Variants in MED21 observed in about 807,000 individuals in gnomAD.
MED21 encodes mediator complex subunit 21, also known as mediator of RNA polymerase II transcription subunit 21.
In MED21, 9 loss-of-function variants were observed where a neutral mutation model predicts 18.2. The observed-to-expected ratio is 0.49, with a 90% CI of 0.30 to 0.86. MED21 has a LOEUF of 0.86. MED21 is among the 40% of genes least tolerant of loss of function. The pLI is 0.07. For synonymous variants in MED21, 73 were observed against 60.5 expected (o/e 1.21, Z -0.96); for missense variants, 150 against 170.9 (o/e 0.88, Z 0.68).
In MED21 at chr12:27,026,444, A is replaced by G. The variant is rs1224823906; in HGVS notation, c.67A>G (p.Ile23Val). 1.9e-6 allele frequency: 3 copies of G among 1,613,600 alleles called. No individual in the cohort carries two copies. The highest frequency in any genetic ancestry group is 1.1e-5 in the South Asian group (1 of 91,044). ...NSLADQFCNA[I>V]GVLQQCGPPA... is the part of the protein sequence containing the mutation. ...GCTTGCAGATCAGTTTTGTAATGCCATTGGAGTATTGCAGCAATGTGGTCC... is the reference window on the plus strand; with the variant it reads ...GCTTGCAGATCAGTTTTGTAATGCCGTTGGAGTATTGCAGCAATGTGGTCC... The change falls in exon 2 of 4, where the codon ATT (isoleucine) becomes GTT (valine). Residue 23 changes from isoleucine (I) to valine (V), a missense_variant. By Grantham distance (29) the Ile-to-Val change is conservative. Coordinates refer to ENST00000282892, the MANE Select transcript of MED21 (RefSeq NM_004264.5).
chr12:27,028,233 G>T, intron 3 of MED21, 52 bp from the exon 4 acceptor site: 1 of 1,494,664 alleles, frequency 6.7e-7, no homozygotes, highest in South Asian at 1.5e-5. Flanking sequence ...GTACATCTGT[G>T]ACAGCTTCTC....
chr12:27,036,641 T>C (rs1313948325), intron 2 of MED21, among the ~76,000 whole-genome samples: 1 of 152,248 alleles, frequency 6.6e-6, no homozygotes, highest in Non-Finnish European at 1.5e-5. Context: ...GGATCCAGTT[T>C]CAGCTTTCTA....
At chr12:27,034,371 G>A (rs1284801015), downstream of MED21, among the ~76,000 whole-genome samples, 1 of 152,104 alleles carries the variant, frequency 6.6e-6, no homozygotes, top group Non-Finnish European at 1.5e-5. Flanking sequence ...GCAGTGAGCC[G>A]AGATCACGCC....
At chr12:27,031,369 G>A (rs758601235), downstream of MED21, among the ~76,000 whole-genome samples, 5 of 152,148 alleles carry the variant, frequency 3.3e-5, no homozygotes, top group African/African-American at 4.8e-5. Flanking sequence ...ATGTGAGTGA[G>A]TAAGTTATGT....
intron 1 of MED21, among the ~76,000 whole-genome samples, chr12:27,025,553 G>A (rs1204720223): frequency 6.6e-6 from 1 of 152,032 alleles, no homozygotes; most frequent in Non-Finnish European, 1.5e-5. Context: ...AGTGATAGAA[G>A]GAAAAGAGAA....
At chr12:27,036,552 T>C (rs974128092) in intron 2 of MED21, among the ~76,000 whole-genome samples, 1 of 152,230 alleles carries the variant, frequency 6.6e-6, no homozygotes, top group Non-Finnish European at 1.5e-5. Flanking sequence ...GGTTTTCTTC[T>C]AGGGTTTTTA....
chr12:27,033,007 C>T (rs955517609), downstream of MED21, among the ~76,000 whole-genome samples: 18 of 152,088 alleles, frequency 1.2e-4, no homozygotes, highest in South Asian at 4.1e-4. Context: ...TTTTTTCTAG[C>T]CTGTTTATTC....
chr12:27,034,330 G>T (rs1941636823), downstream of MED21, among the ~76,000 whole-genome samples: 1 of 152,118 alleles, frequency 6.6e-6, no homozygotes. Context: ...GCTAAGGCAG[G>T]AGAATCGGTA....
intron 1 of MED21, among the ~76,000 whole-genome samples, chr12:27,024,670 A>G (rs1447794617): frequency 3.3e-5 from 5 of 152,218 alleles, no homozygotes; most frequent in Admixed American, 3.3e-4. Context: ...GTTAGGCATA[A>G]TGATAATTGG....
chr12:27,034,886 G>T (rs1452940040), downstream of MED21, among the ~76,000 whole-genome samples: 1 of 152,150 alleles, frequency 6.6e-6, no homozygotes, highest in Non-Finnish European at 1.5e-5. Context: ...GAGTAGCTGG[G>T]ATTACAGGCA....
intron 1 of MED21, among the ~76,000 whole-genome samples, chr12:27,023,471 A>G (rs374486817): frequency 3.3e-5 from 5 of 151,494 alleles, no homozygotes; most frequent in South Asian, 4.2e-4. Flanking sequence ...TAATGTTTGT[A>G]TTTTTAGTAG....
intron 2 of MED21, chr12:27,038,744 G>C (rs1941663979): frequency 6.6e-6 from 1 of 152,188 alleles, no homozygotes; most frequent in Non-Finnish European, 1.5e-5. Flanking sequence ...AATGGTGCTA[G>C]AATAATTGGT....
intron 1 of MED21, among the ~76,000 whole-genome samples, chr12:27,025,666 A>G (rs1254562592): frequency 1.3e-5 from 2 of 152,220 alleles, no homozygotes; most frequent in African/African-American, 4.8e-5. Context: ...TATTAAAAAG[A>G]GGAAACAGTT....
chr12:27,028,745 TTC>T lies in MED21; in HGVS notation c.*286_*287del. 9.5e-7 allele frequency: 1 copy of T among 1,057,172 alleles called. No individual in the cohort carries two copies. Among genetic ancestry groups the T allele is most frequent in the East Asian group, 6.5e-5 (1 of 15,468 alleles). 65.5% of individuals were successfully genotyped at this position (1,057,172 alleles called of 1,614,324 possible). On this transcript the variant is annotated 3_prime_UTR_variant, in exon 4 of 4. Transcript: ENST00000282892. Reference sequence around the variant, plus strand: ...ATAATATAAGGAAACATATGTAAAATTCTGTTATGACATAATTTATGTCTCCA... The same window carrying T: ...ATAATATAAGGAAACATATGTAAAATTGTTATGACATAATTTATGTCTCCA...
chr12:27,038,333 T>A (rs1324005321), intron 2 of MED21: 1 of 151,748 alleles, frequency 6.6e-6, no homozygotes, highest in Non-Finnish European at 1.5e-5. Context: ...ATACAACGAA[T>A]ATAACAAAAA....
intron 3 of MED21, 82 bp downstream of exon 3, chr12:27,027,529 T>C (rs1279324817): frequency 1.1e-6 from 1 of 940,172 alleles, no homozygotes; most frequent in Non-Finnish European, 1.7e-6. Flanking sequence ...CTTTTGTCTG[T>C]GTCCATTTGT....
intron 1 of MED21, 43 bp downstream of exon 1, chr12:27,022,664 G>C (rs1249221844): frequency 1.2e-6 from 2 of 1,611,492 alleles, no homozygotes; most frequent in East Asian, 4.5e-5. Context: ...TCTCTTTCTT[G>C]AGGTAAAGCA....
chr12:27,036,377 A>G (rs903155208), intron 2 of MED21, among the ~76,000 whole-genome samples: 1 of 152,100 alleles, frequency 6.6e-6, no homozygotes, highest in African/African-American at 2.4e-5. Context: ...ATTTTCTCCC[A>G]TTCTGTAGGT....
At chr12:27,036,225 A>G (rs1374769141) in intron 2 of MED21, among the ~76,000 whole-genome samples, 4 of 151,940 alleles carry the variant, frequency 2.6e-5, no homozygotes, top group Non-Finnish European at 5.9e-5. Context: ...TTTTGGCTGC[A>G]TAAATGTCTT....
Sources: allele counts gnomAD v4.1 joint callset (sites outside exome capture counted in the v4.1 genomes callset), GRCh38; gene constraint gnomAD v4.1.1; transcripts MANE v1.5; gene names NCBI Gene and HGNC (gene_info 2026-07-23, HGNC 2026-07-21).